SORCS1: variants seen among roughly 807,000 people sequenced by gnomAD.
SORCS1 encodes the protein sortilin related VPS10 domain containing receptor 1, also known as VPS10 domain-containing receptor SorCS1.
A neutral mutation model predicts 146.1 loss-of-function variants in SORCS1; 60 were observed. That is an observed-to-expected ratio of 0.41 (90% confidence interval 0.33 to 0.51). The LOEUF (loss-of-function observed/expected upper bound fraction) is 0.51, where lower values mean the gene tolerates loss of function less well. Among genes scored for constraint, SORCS1 ranks in the 20% least tolerant of loss-of-function variants. SORCS1 has a pLI of 0.21. For synonymous variants in SORCS1, 637 were observed against 584.0 expected (o/e 1.09, Z -1.31); for missense variants, 1,352 against 1,487.6 (o/e 0.91, Z 1.50).
Position 106,994,063 on chromosome 10 carries a change from C to CAA in SORCS1, c.559-37485_559-37484dup, listed in dbSNP as rs67408221. On this transcript the variant is annotated intron_variant, in intron 1 of 25. Coordinates refer to ENST00000263054, the MANE Select transcript of SORCS1 (RefSeq NM_052918.5). ...TGGGTGACAGAGCAAGACCCCATCT[C>CAA]AAAAAAAAAAAAAAAAAAAAAAAAG... Among the ~76,000 whole-genome samples, 743 of 80,420 alleles carry CAA rather than the reference C, an allele frequency of 9.2e-3. 14 individuals carry two copies. The highest frequency in any genetic ancestry group is 0.028 in the East Asian group (64 of 2,258). 52.8% of individuals were successfully genotyped at this position (80,420 alleles called of 152,430 possible). A position where few individuals can be genotyped will look rare whatever the true frequency, so the allele number is the denominator to read the frequency against.
chr10:106,634,222 C>A (rs1535396), intron 18 of SORCS1, among the ~76,000 whole-genome samples: 34,383 of 152,088 alleles, frequency 0.23, 4,793 homozygotes, highest in East Asian at 0.52. Context: ...CTAGGGTAGA[C>A]TGTGTCAACT....
chr10:106,721,680 G>A (rs1312799970), intron 6 of SORCS1, among the ~76,000 whole-genome samples: 1 of 152,158 alleles, frequency 6.6e-6, no homozygotes, highest in Non-Finnish European at 1.5e-5. Context: ...AAGGCAATCT[G>A]ACAATGTTTA....
At position 106,923,537 on chromosome 10, in the gene SORCS1, G is replaced by A. The variant is rs11193104; in HGVS notation, c.626+32976C>T. ...TATGTTTAGTTTTATAAGAAACTGC[G>A]AAACTGTTTTCCAATGTGGCTGAAC... On this transcript the variant is annotated intron_variant, in intron 2 of 25. Coordinates refer to ENST00000263054, the MANE Select transcript of SORCS1 (RefSeq NM_052918.5). 8.5e-3 allele frequency among the ~76,000 whole-genome samples: 1,294 copies of A among 152,300 alleles called. 23 individuals are homozygous for A. Among genetic ancestry groups the A allele is most frequent in the African/African-American group, 0.03 (1,230 of 41,578 alleles).
chr10:106,839,248 G>A (rs897195510), intron 2 of SORCS1, among the ~76,000 whole-genome samples: 2 of 152,188 alleles, frequency 1.3e-5, no homozygotes, highest in Admixed American at 6.5e-5. Flanking sequence ...AGCTGTGACT[G>A]CAAAGAAAAA....
At chr10:106,711,806 T>C (rs188399210) in intron 6 of SORCS1, among the ~76,000 whole-genome samples, 173 of 152,276 alleles carry the variant, frequency 1.1e-3, no homozygotes, top group Middle Eastern at 0.01. Flanking sequence ...TCTGGGACTA[T>C]CCCTTCCCAG....
chr10:106,820,536 G>A (rs1947971749), intron 3 of SORCS1, among the ~76,000 whole-genome samples: 1 of 152,174 alleles, frequency 6.6e-6, no homozygotes, highest in Admixed American at 6.5e-5. Context: ...CCCTGAGGCT[G>A]GTGGTGCACT....
At chr10:106,809,228 T>TA (rs1249518350) in intron 3 of SORCS1, among the ~76,000 whole-genome samples, 3 of 151,692 alleles carry the variant, frequency 2.0e-5, no homozygotes, top group African/African-American at 7.3e-5. Context: ...AATAAATAAA[T>TA]AATAATAATA....
intron 2 of SORCS1, among the ~76,000 whole-genome samples, chr10:106,947,413 A>T (rs923291950): frequency 6.9e-6 from 1 of 145,468 alleles, no homozygotes; most frequent in Non-Finnish European, 1.5e-5. Flanking sequence ...CTAAAGATCT[A>T]TCGGAAAGGT....
At chr10:107,170,973 A>C in the SORCS1 span, among the ~76,000 whole-genome samples, 6 of 152,224 alleles carry the variant, frequency 3.9e-5, no homozygotes, top group African/African-American at 1.4e-4. Context: ...GTACATTATC[A>C]TTTGACTTTT....
intron 18 of SORCS1, among the ~76,000 whole-genome samples, chr10:106,641,406 C>A (rs540094137): frequency 6.6e-5 from 10 of 152,218 alleles, no homozygotes; most frequent in African/African-American, 2.4e-4. Context: ...TTATTATTTT[C>A]TGTCAATAAG....
intron 1 of SORCS1, among the ~76,000 whole-genome samples, chr10:107,016,822 T>G (rs963772567): frequency 1.3e-5 from 2 of 151,968 alleles, no homozygotes; most frequent in Non-Finnish European, 2.9e-5. Context: ...AATCCTTCAA[T>G]CAAAAGAAAA....
At chr10:106,609,630 A>G (rs547750780) in intron 22 of SORCS1, among the ~76,000 whole-genome samples, 19 of 152,300 alleles carry the variant, frequency 1.2e-4, no homozygotes, top group African/African-American at 4.3e-4. Context: ...ACTAGAAGGT[A>G]TTAATACCAC....
chr10:107,113,246 G>T (rs1212864220), intron 1 of SORCS1, among the ~76,000 whole-genome samples: 3 of 152,058 alleles, frequency 2.0e-5, no homozygotes, highest in Non-Finnish European at 4.4e-5. Context: ...ACAACATACT[G>T]TTGAACAATC....
chr10:106,725,997 C>T (rs930379717), intron 6 of SORCS1, among the ~76,000 whole-genome samples: 3 of 151,300 alleles, frequency 2.0e-5, no homozygotes, highest in South Asian at 2.1e-4. Flanking sequence ...ATTCGTAGTG[C>T]AGCTGATGAG....
intron 2 of SORCS1, among the ~76,000 whole-genome samples, chr10:106,939,886 C>T (rs1334802518): frequency 2.6e-5 from 4 of 152,328 alleles, no homozygotes; most frequent in Middle Eastern, 6.8e-3. Context: ...CATGGATACT[C>T]GCTTCAGTGC....
intron 1 of SORCS1, among the ~76,000 whole-genome samples, chr10:107,122,824 G>C (rs1385946857): frequency 5.3e-5 from 8 of 152,130 alleles, no homozygotes; most frequent in Non-Finnish European, 8.8e-5. Flanking sequence ...AAGAGGAAAA[G>C]GAAGGAAAAC....
chr10:106,751,162 G>A (rs2136185372), intron 5 of SORCS1, among the ~76,000 whole-genome samples: 1 of 143,450 alleles, frequency 7.0e-6, no homozygotes, highest in African/African-American at 2.6e-5. Context: ...AAAAAAAGAA[G>A]AAGAAATACC....
intron 1 of SORCS1, among the ~76,000 whole-genome samples, chr10:106,964,312 A>AT (rs112978946): frequency 0.037 from 5,645 of 151,836 alleles, 361 homozygotes; most frequent in African/African-American, 0.13. Flanking sequence ...TTAATTAATT[A>AT]TTTTTTTTAT....
chr10:106,864,574 T>A (rs997616522), intron 2 of SORCS1, among the ~76,000 whole-genome samples: 1 of 152,160 alleles, frequency 6.6e-6, no homozygotes, highest in Admixed American at 6.5e-5. Flanking sequence ...TAGACCCTCA[T>A]ATACACCCTC....
Sources: gnomAD v4.1 joint callset for allele counts (sites outside exome capture counted in the v4.1 genomes callset) on GRCh38, gnomAD v4.1.1 for gene constraint, MANE v1.5 for transcripts, NCBI Gene and HGNC (gene_info 2026-07-23, HGNC 2026-07-21) for gene names.